The following ATP8A2 variants were observed in gnomAD, a reference collection of about 807,000 sequenced individuals.
The protein encoded by ATP8A2 is ATPase phospholipid transporting 8A2, also known as phospholipid-transporting ATPase IB.
A neutral mutation model predicts 165.6 loss-of-function variants in ATP8A2; 100 were observed. The ratio of observed to expected loss-of-function variants is 0.60; its 90% CI spans 0.51 to 0.71. The LOEUF (loss-of-function observed/expected upper bound fraction) is 0.71, where lower values mean the gene tolerates loss of function less well. Among genes scored for constraint, ATP8A2 ranks in the 30% least tolerant of loss-of-function variants. The pLI, the probability that ATP8A2 is intolerant of heterozygous loss-of-function variation, is 0.00. For synonymous variants in ATP8A2, 543 were observed against 548.8 expected, an observed-to-expected ratio of 0.99 and a Z score of 0.15; for missense variants, 1,227 against 1,479.5, an observed-to-expected ratio of 0.83 and a Z score of 2.80.
chr13:25,727,317 T>G (rs1024290996), intron 25 of ATP8A2, among the ~76,000 whole-genome samples: 2 of 152,250 alleles, frequency 1.3e-5, no homozygotes, highest in East Asian at 3.8e-4. Flanking sequence ...TTTTTGGGGT[T>G]GTTTGGTTTC....
At chr13:25,725,116 G>A (rs1343021871) in intron 25 of ATP8A2, among the ~76,000 whole-genome samples, 4 of 152,178 alleles carry the variant, frequency 2.6e-5, no homozygotes, top group Non-Finnish European at 5.9e-5. Flanking sequence ...CTCCATTATT[G>A]TCATCTCTGA....
intron 34 of ATP8A2, among the ~76,000 whole-genome samples, chr13:25,967,762 A>ACC (rs1955813495): frequency 6.6e-6 from 1 of 152,120 alleles, no homozygotes. Context: ...TCCAACTGGT[A>ACC]GCTCACTTTT....
intron 28 of ATP8A2, among the ~76,000 whole-genome samples, chr13:25,834,895 T>A (rs1951566185): frequency 6.6e-6 from 1 of 152,146 alleles, no homozygotes; most frequent in Non-Finnish European, 1.5e-5. Flanking sequence ...CGAACTCCTG[T>A]CTTGGCCTCC....
chr13:25,731,434 G>A (rs1027065334), intron 25 of ATP8A2, among the ~76,000 whole-genome samples: 1 of 152,060 alleles, frequency 6.6e-6, no homozygotes, highest in Non-Finnish European at 1.5e-5. Flanking sequence ...ATAAAGATAA[G>A]GATTAAAGCC....
At chr13:25,943,999 A>G (rs1351904200) in intron 33 of ATP8A2, among the ~76,000 whole-genome samples, 1 of 152,284 alleles carries the variant, frequency 6.6e-6, no homozygotes, top group Non-Finnish European at 1.5e-5. Context: ...TAAGCAAAAT[A>G]GAAAAAGACA....
intron 29 of ATP8A2, among the ~76,000 whole-genome samples, chr13:25,838,569 T>TA (rs1187438045): frequency 6.6e-6 from 1 of 151,860 alleles, no homozygotes; most frequent in Non-Finnish European, 1.5e-5. Flanking sequence ...AAGAATTTTT[T>TA]TTTTTTTTTT....
chr13:25,632,408 C>A (rs958892911), intron 24 of ATP8A2, among the ~76,000 whole-genome samples: 2 of 152,090 alleles, frequency 1.3e-5, no homozygotes, highest in Non-Finnish European at 2.9e-5. Flanking sequence ...CTGAAGCTAC[C>A]TAGGGAAACC....
At chr13:25,435,555 G>A (rs1179943751) in intron 1 of ATP8A2, among the ~76,000 whole-genome samples, 4 of 152,258 alleles carry the variant, frequency 2.6e-5, no homozygotes, top group East Asian at 1.9e-4. Flanking sequence ...AGCCTCAAGC[G>A]CAAGGTAGTA....
intron 33 of ATP8A2, among the ~76,000 whole-genome samples, chr13:25,950,216 C>T (rs1024469317): frequency 6.6e-6 from 1 of 152,166 alleles, no homozygotes; most frequent in Non-Finnish European, 1.5e-5. Context: ...TGGTTTCCCA[C>T]GTCACGACCT....
rs184053161 is a variant in ATP8A2, at chr13:25,880,449, G to A, written c.3183+18041G>A. Among the ~76,000 whole-genome samples, 822 of 151,982 alleles carry A rather than the reference G, an allele frequency of 5.4e-3. 18 individuals are homozygous for A. Among genetic ancestry groups the A allele is most frequent in the Non-Finnish European group, 3.6e-3 (242 of 67,988 alleles). ...ATGTCATTTTATTAATGAAGGCACT[G>A]GTAGTTTCACACTTAAGTAAATCAG... On this transcript the variant is annotated intron_variant, in intron 33 of 36. Transcript: ENST00000381655.
intron 23 of ATP8A2, 68 bp downstream of exon 23, chr13:25,582,025 G>T: frequency 7.2e-7 from 1 of 1,388,692 alleles, no homozygotes; most frequent in Non-Finnish European, 9.9e-7. Flanking sequence ...TCTTTTAAAT[G>T]TGTCTAAATG....
intron 13 of ATP8A2, among the ~76,000 whole-genome samples, chr13:25,557,190 C>A (rs1381889495): frequency 6.6e-6 from 1 of 152,082 alleles, no homozygotes; most frequent in Middle Eastern, 3.2e-3. Flanking sequence ...TGTGTATATT[C>A]ATATAAGTGC....
intron 33 of ATP8A2, among the ~76,000 whole-genome samples, chr13:25,899,354 AT>A (rs1953665787): frequency 6.6e-6 from 1 of 152,152 alleles, no homozygotes; most frequent in South Asian, 2.1e-4. Context: ...GCCACAACTC[AT>A]TTAACCCCCT....
chr13:25,836,797 A>C (rs1469249645), intron 28 of ATP8A2, among the ~76,000 whole-genome samples: 1 of 152,244 alleles, frequency 6.6e-6, no homozygotes, highest in Non-Finnish European at 1.5e-5. Flanking sequence ...TCAGGGTGGA[A>C]AGTTGTAAAT....
chr13:25,888,799 C>G (rs1953254793), intron 33 of ATP8A2, among the ~76,000 whole-genome samples: 1 of 152,102 alleles, frequency 6.6e-6, no homozygotes, highest in South Asian at 2.1e-4. Context: ...GCGGAGGTTG[C>G]GATGAGTCAA....
chr13:25,696,625 A>G (rs904867856), intron 24 of ATP8A2, among the ~76,000 whole-genome samples: 33 of 152,322 alleles, frequency 2.2e-4, no homozygotes, highest in Admixed American at 2.1e-3. Context: ...GCTAAGGCTC[A>G]GACTTAACAC....
chr13:25,378,286 CATATA>C (rs2032709981), intron 1 of ATP8A2, among the ~76,000 whole-genome samples: 1 of 152,036 alleles, frequency 6.6e-6, no homozygotes. Context: ...TAAAGCTTAT[CATATA>C]ATATTTCATG....
At chr13:25,979,044 G>A (rs1360221101) in intron 35 of ATP8A2, among the ~76,000 whole-genome samples, 1 of 150,730 alleles carries the variant, frequency 6.6e-6, no homozygotes, top group African/African-American at 2.4e-5. Flanking sequence ...CCCTGACGTG[G>A]TCTCTGTCAC....
intron 2 of ATP8A2, among the ~76,000 whole-genome samples, chr13:25,505,248 GTC>G (rs137985732): frequency 1.3e-5 from 2 of 149,954 alleles, no homozygotes; most frequent in Non-Finnish European, 1.5e-5. Flanking sequence ...CTGTTAATCA[GTC>G]TCTCTCTCTC....
Sources: allele counts gnomAD v4.1 joint callset (sites outside exome capture counted in the v4.1 genomes callset), GRCh38; gene constraint gnomAD v4.1.1; transcripts MANE v1.5; gene names NCBI Gene and HGNC (gene_info 2026-07-23, HGNC 2026-07-21).